KCTD16: variants seen among roughly 807,000 people sequenced by gnomAD.
KCTD16 encodes the protein potassium channel tetramerization domain containing 16.
Under a neutral mutation model 33.2 loss-of-function variants are expected in KCTD16, and 13 were observed. That is an observed-to-expected ratio of 0.39 (90% CI 0.25 to 0.62). KCTD16 has a LOEUF of 0.62. KCTD16 is among the 20% of genes least tolerant of loss of function. The probability of loss-of-function intolerance (pLI) is 0.50; values close to 1 mark genes in which losing one functional copy is unlikely to be tolerated. For missense variants in KCTD16, 441 were observed against 525.1 expected (o/e 0.84, Z 1.57); for synonymous variants, 197 against 195.3 (o/e 1.01, Z -0.07).
chr5:144,442,450 C>CTTCTTTCTTCTTTCTTTCT (rs1554095075), intron 3 of KCTD16, among the ~76,000 whole-genome samples: 3 of 147,762 alleles, frequency 2.0e-5, no homozygotes, highest in African/African-American at 7.6e-5. Context: ...TCTTTTCTTT[C>CTTCTTTCTTCTTTCTTTCT]TTCTTTCTTT....
At chr5:144,271,597 G>T (rs1436104583) in intron 3 of KCTD16, among the ~76,000 whole-genome samples, 1 of 152,068 alleles carries the variant, frequency 6.6e-6, no homozygotes, top group Non-Finnish European at 1.5e-5. Flanking sequence ...AACAAGGCAA[G>T]AATACCTGCT....
At chr5:144,212,511 C>T (rs1753428686) in intron 3 of KCTD16, among the ~76,000 whole-genome samples, 1 of 152,102 alleles carries the variant, frequency 6.6e-6, no homozygotes, top group Admixed American at 6.6e-5. Flanking sequence ...CCAAATATTT[C>T]TAACAGCCTA....
intron 3 of KCTD16, among the ~76,000 whole-genome samples, chr5:144,237,835 G>A (rs904771447): frequency 5.3e-5 from 8 of 152,148 alleles, no homozygotes; most frequent in Non-Finnish European, 1.0e-4. Flanking sequence ...TAAGTTCAGA[G>A]ATGAGAAAAC....
chr5:144,364,410 C>T (rs1388881097), intron 3 of KCTD16, among the ~76,000 whole-genome samples: 1 of 152,152 alleles, frequency 6.6e-6, no homozygotes, highest in African/African-American at 2.4e-5. Context: ...CAATGCTGAA[C>T]ATATATTGTA....
chr5:144,406,817 G>C (rs1047927068), intron 3 of KCTD16, among the ~76,000 whole-genome samples: 2 of 152,176 alleles, frequency 1.3e-5, no homozygotes, highest in Non-Finnish European at 2.9e-5. Flanking sequence ...ATCTATGCAA[G>C]CTTCTGCTGG....
At chr5:144,450,905 T>C (rs1753926321) in intron 3 of KCTD16, among the ~76,000 whole-genome samples, 1 of 152,086 alleles carries the variant, frequency 6.6e-6, no homozygotes, top group South Asian at 2.1e-4. Flanking sequence ...ACCAATATGG[T>C]ATTGTACACT....
intron 3 of KCTD16, among the ~76,000 whole-genome samples, chr5:144,379,514 A>G (rs192854414): frequency 3.7e-4 from 56 of 152,296 alleles, no homozygotes; most frequent in African/African-American, 1.3e-3. Context: ...GAATATCATT[A>G]TAATAGATTA....
chr5:144,219,461 G>T (rs1476299101), intron 3 of KCTD16, among the ~76,000 whole-genome samples: 7 of 146,042 alleles, frequency 4.8e-5, no homozygotes, highest in African/African-American at 1.3e-4. Flanking sequence ...TGATCTGCCC[G>T]CCTCAGCCTC....
At chr5:144,260,153 A>G (rs1305362279) in intron 3 of KCTD16, among the ~76,000 whole-genome samples, 1 of 152,228 alleles carries the variant, frequency 6.6e-6, no homozygotes, top group Non-Finnish European at 1.5e-5. Context: ...TTCGTGTATG[A>G]GCAGACAAGA....
chr5:144,402,827 C>T (rs1269941845), intron 3 of KCTD16, among the ~76,000 whole-genome samples: 2 of 152,232 alleles, frequency 1.3e-5, no homozygotes. Flanking sequence ...TCTACTGCTA[C>T]TGTAACAAAT....
At chr5:144,366,820 G>C (rs544605562) in intron 3 of KCTD16, among the ~76,000 whole-genome samples, 2 of 151,322 alleles carry the variant, frequency 1.3e-5, no homozygotes, top group East Asian at 3.9e-4. Flanking sequence ...GGGCCACTCA[G>C]ATGGATGATG....
intron 2 of KCTD16, among the ~76,000 whole-genome samples, chr5:144,201,467 A>T (rs1438629788): frequency 1.3e-5 from 2 of 152,174 alleles, no homozygotes; most frequent in East Asian, 1.9e-4. Context: ...TAATTTCTTT[A>T]TGCCTCAATT....
At chr5:144,266,782 A>AT (rs35899622) in intron 3 of KCTD16, among the ~76,000 whole-genome samples, 35,790 of 149,586 alleles carry the variant, frequency 0.24, 4,376 homozygotes, top group Non-Finnish European at 0.28. Flanking sequence ...CAAGATTTCT[A>AT]TTTTTTTTTT....
chr5:144,433,174 G>GA (rs1327590524), intron 3 of KCTD16, among the ~76,000 whole-genome samples: 2 of 152,184 alleles, frequency 1.3e-5, no homozygotes, highest in Non-Finnish European at 2.9e-5. Context: ...TCAGGAGTAA[G>GA]AAAAATGTAA....
chr5:144,469,004 C>T (rs926101818), intron 3 of KCTD16, among the ~76,000 whole-genome samples: 1 of 152,082 alleles, frequency 6.6e-6, no homozygotes. Context: ...GGAAGGGGGC[C>T]AAGTCTAATC....
At chr5:144,261,599 A>T (rs1755013115) in intron 3 of KCTD16, among the ~76,000 whole-genome samples, 1 of 152,242 alleles carries the variant, frequency 6.6e-6, no homozygotes, top group Admixed American at 6.5e-5. Flanking sequence ...TCAGAAACGT[A>T]CCTAAATGGC....
intron 3 of KCTD16, chr5:144,439,314 T>A: frequency 2.1e-6 from 1 of 482,512 alleles, no homozygotes; most frequent in Non-Finnish European, 4.1e-6. Flanking sequence ...TAAAACCCAC[T>A]TGAATTGAAT....
intron 3 of KCTD16, among the ~76,000 whole-genome samples, chr5:144,342,183 G>A (rs1752665716): frequency 6.6e-6 from 1 of 152,010 alleles, no homozygotes; most frequent in South Asian, 2.1e-4. Flanking sequence ...CCATTTTCAC[G>A]ATATTGATTC....
intron 3 of KCTD16, among the ~76,000 whole-genome samples, chr5:144,309,720 A>G (rs375727261): frequency 5.9e-4 from 90 of 152,286 alleles, no homozygotes; most frequent in African/African-American, 1.9e-3. Context: ...AATAACTCAC[A>G]CACTGGTCCT....
Sources: allele counts gnomAD v4.1 joint callset (sites outside exome capture counted in the v4.1 genomes callset), GRCh38; gene constraint gnomAD v4.1.1; transcripts MANE v1.5; gene names NCBI Gene and HGNC (gene_info 2026-07-23, HGNC 2026-07-21).